ABTB3: variants seen among roughly 807,000 people sequenced by gnomAD.
ABTB3 encodes ankyrin repeat- and BTB/POZ domain-containing protein 3.
the ABTB3 span, among the ~76,000 whole-genome samples, chr12:107,427,646 G>A: frequency 1.3e-5 from 2 of 152,176 alleles, no homozygotes; most frequent in African/African-American, 4.8e-5. Flanking sequence ...CACATCTGCA[G>A]AGTCTCTTCT....
the ABTB3 span, among the ~76,000 whole-genome samples, chr12:107,592,276 A>G: frequency 6.6e-6 from 1 of 152,258 alleles, no homozygotes; most frequent in African/African-American, 2.4e-5. Flanking sequence ...AAATCTGACA[A>G]TAACAAATTC....
the ABTB3 span, among the ~76,000 whole-genome samples, chr12:107,479,835 T>C: frequency 1.3e-5 from 2 of 152,170 alleles, no homozygotes; most frequent in Non-Finnish European, 2.9e-5. Flanking sequence ...ACAATAATTC[T>C]TTGATGTAGG....
the ABTB3 span, among the ~76,000 whole-genome samples, chr12:107,409,958 C>A: frequency 6.6e-6 from 1 of 152,140 alleles, no homozygotes; most frequent in Non-Finnish European, 1.5e-5. Flanking sequence ...AAAATGGTGA[C>A]AACAGAGCAT....
the ABTB3 span, among the ~76,000 whole-genome samples, chr12:107,630,473 G>A: frequency 1.3e-5 from 2 of 152,082 alleles, no homozygotes; most frequent in Non-Finnish European, 2.9e-5. Flanking sequence ...ATGGTAGGAA[G>A]TTTTTAAAAT....
chr12:107,503,736 G>A, the ABTB3 span, among the ~76,000 whole-genome samples: 1 of 114,500 alleles, frequency 8.7e-6, no homozygotes, highest in Non-Finnish European at 1.7e-5. Context: ...CAGCCTGGGT[G>A]ATAGAGCAAG....
chr12:107,565,177 T>A, the ABTB3 span, among the ~76,000 whole-genome samples: 1 of 152,194 alleles, frequency 6.6e-6, no homozygotes, highest in East Asian at 1.9e-4. Context: ...GCCTGTGCAC[T>A]GAGCACGTAT....
chr12:107,332,189 T>C, the ABTB3 span, among the ~76,000 whole-genome samples: 1 of 152,332 alleles, frequency 6.6e-6, no homozygotes, highest in South Asian at 2.1e-4. Flanking sequence ...CTGAGCCTCA[T>C]TGCCCTCACA....
the ABTB3 span, among the ~76,000 whole-genome samples, chr12:107,371,298 C>T: frequency 1.3e-5 from 2 of 152,146 alleles, no homozygotes; most frequent in Admixed American, 6.5e-5. Flanking sequence ...CTGCCCCAAA[C>T]CTGTTGCTAA....
chr12:107,591,623 C>T, the ABTB3 span, among the ~76,000 whole-genome samples: 1 of 152,288 alleles, frequency 6.6e-6, no homozygotes, highest in Non-Finnish European at 1.5e-5. Flanking sequence ...GGACACATAT[C>T]CAGACCACAT....
the ABTB3 span, among the ~76,000 whole-genome samples, chr12:107,466,023 C>T: frequency 1.2e-4 from 19 of 152,146 alleles, no homozygotes; most frequent in Non-Finnish European, 1.9e-4. Context: ...ACAAACAGCG[C>T]GAGCAAGATA....
chr12:107,635,321 A>T, the ABTB3 span: 1 of 1,613,914 alleles, frequency 6.2e-7, no homozygotes, highest in Non-Finnish European at 8.5e-7. Flanking sequence ...CGTCATCTTC[A>T]CACACTGCTA....
At chr12:107,526,765 G>C in the ABTB3 span, among the ~76,000 whole-genome samples, 1 of 152,064 alleles carries the variant, frequency 6.6e-6, no homozygotes, top group Admixed American at 6.6e-5. Context: ...GTATAAAAAG[G>C]TTTTCTGGGT....
the ABTB3 span, among the ~76,000 whole-genome samples, chr12:107,562,583 G>A: frequency 2.0e-5 from 3 of 152,214 alleles, no homozygotes; most frequent in African/African-American, 7.2e-5. Flanking sequence ...AGATCCTACA[G>A]GTCCCCTTAG....
chr12:107,485,800 T>G, the ABTB3 span, among the ~76,000 whole-genome samples: 1 of 152,198 alleles, frequency 6.6e-6, no homozygotes, highest in Admixed American at 6.5e-5. Flanking sequence ...GAAAATAATG[T>G]CTTAGGGTCA....
chr12:107,553,953 A>G, the ABTB3 span, among the ~76,000 whole-genome samples: 5 of 152,034 alleles, frequency 3.3e-5, no homozygotes, highest in African/African-American at 9.7e-5. Flanking sequence ...AGAGAGAGAG[A>G]AGAGGAATTC....
chr12:107,382,250 A>G, the ABTB3 span, among the ~76,000 whole-genome samples: 1 of 152,100 alleles, frequency 6.6e-6, no homozygotes, highest in African/African-American at 2.4e-5. Flanking sequence ...CTGCAAGGAT[A>G]AGTGTGTTTG....
the ABTB3 span, among the ~76,000 whole-genome samples, chr12:107,505,429 G>A: frequency 2.6e-5 from 4 of 151,962 alleles, no homozygotes; most frequent in East Asian, 5.8e-4. Context: ...TGTTCTCAAC[G>A]ACATCTGGAG....
At chr12:107,382,484 C>CT in the ABTB3 span, among the ~76,000 whole-genome samples, 1 of 152,244 alleles carries the variant, frequency 6.6e-6, no homozygotes, top group Admixed American at 6.5e-5. Context: ...TATAGGAATG[C>CT]TTGTGATTTT....
At chr12:107,531,656 C>A in the ABTB3 span, among the ~76,000 whole-genome samples, 10 of 152,250 alleles carry the variant, frequency 6.6e-5, no homozygotes, top group African/African-American at 2.4e-4. Flanking sequence ...GGACCCAAGC[C>A]TAGCATAGGG....
Sources: allele counts gnomAD v4.1 joint callset (sites outside exome capture counted in the v4.1 genomes callset), GRCh38; gene constraint gnomAD v4.1.1; transcripts MANE v1.5; gene names NCBI Gene and HGNC (gene_info 2026-07-23, HGNC 2026-07-21).